Variants in ATP8A1 observed in about 807,000 individuals in gnomAD.
The protein encoded by ATP8A1 is ATPase phospholipid transporting 8A1, also known as phospholipid-transporting ATPase IA.
Under a neutral mutation model 177.7 loss-of-function variants are expected in ATP8A1, and 90 were observed. That is an observed-to-expected ratio of 0.51 (90% CI 0.43 to 0.60). The LOEUF (loss-of-function observed/expected upper bound fraction) is 0.60. ATP8A1 is among the 20% of genes least tolerant of loss of function. The pLI, the probability that ATP8A1 is intolerant of heterozygous loss-of-function variation, is 0.00. For synonymous variants in ATP8A1, 493 were observed against 485.9 expected (o/e 1.01, Z -0.19); for missense variants, 1,072 against 1,392.8 (o/e 0.77, Z 3.67).
intron 33 of ATP8A1, among the ~76,000 whole-genome samples, chr4:42,427,582 C>T (rs1345227710): frequency 6.6e-6 from 1 of 152,216 alleles, no homozygotes; most frequent in African/African-American, 2.4e-5. Context: ...CAATGTGCAC[C>T]AACACCACAA....
chr4:42,475,896 G>A (rs1721011077), intron 25 of ATP8A1, among the ~76,000 whole-genome samples: 1 of 152,064 alleles, frequency 6.6e-6, no homozygotes, highest in African/African-American at 2.4e-5. Flanking sequence ...AAAGTTAGCT[G>A]GGTGTGGTGG....
chr4:42,571,851 A>G (rs1257036090), intron 14 of ATP8A1, among the ~76,000 whole-genome samples: 2 of 152,222 alleles, frequency 1.3e-5, no homozygotes, highest in Non-Finnish European at 1.5e-5. Flanking sequence ...CCCATCATGA[A>G]TCCAATTTGG....
Position 42,656,968 on chromosome 4 carries a change from C to G in ATP8A1, c.-95G>C, listed in dbSNP as rs1741705201. The G allele has an allele frequency of 7.9e-7, 1 of 1,258,992 alleles. No homozygotes were observed. The highest frequency in any genetic ancestry group is 3.6e-5 in the Admixed American group (1 of 27,588). The allele number at this position is 1,258,992 out of a possible 1,614,324, so 78.0% of individuals were successfully genotyped here. A position where few individuals can be genotyped will look rare whatever the true frequency, so the allele number is the denominator to read the frequency against. ...ACCCGGCTGCGCCGCGCAGAGCGCTCAGCTGCAGCCTGGGCCGCGCCGCCG... is the reference window on the plus strand; with the variant it reads ...ACCCGGCTGCGCCGCGCAGAGCGCTGAGCTGCAGCCTGGGCCGCGCCGCCG... On this transcript the variant is annotated 5_prime_UTR_variant, in exon 1 of 37. Coordinates refer to ENST00000381668, the MANE Select transcript of ATP8A1 (RefSeq NM_006095.2).
intron 1 of ATP8A1, among the ~76,000 whole-genome samples, chr4:42,648,649 T>TA (rs1039693816): frequency 6.6e-6 from 1 of 151,684 alleles, no homozygotes; most frequent in Non-Finnish European, 1.5e-5. Context: ...AGCAGAAATT[T>TA]AAAAAAAGGA....
At chr4:42,462,290 C>G (rs1024397410) in intron 27 of ATP8A1, among the ~76,000 whole-genome samples, 16 of 152,248 alleles carry the variant, frequency 1.1e-4, no homozygotes, top group Admixed American at 1.0e-3. Context: ...CCTTCCATCA[C>G]AGGCCCAGAG....
At chr4:42,645,986 C>T (rs1740493127) in intron 1 of ATP8A1, among the ~76,000 whole-genome samples, 2 of 151,726 alleles carry the variant, frequency 1.3e-5, no homozygotes, top group South Asian at 4.2e-4. Context: ...AAAGGGCCAA[C>T]TAGTCGCAGC....
chr4:42,506,066 G>A (rs964774777), intron 23 of ATP8A1, among the ~76,000 whole-genome samples: 3 of 151,988 alleles, frequency 2.0e-5, no homozygotes, highest in African/African-American at 7.3e-5. Flanking sequence ...ACTCCTAACC[G>A]CCAGTGACAC....
intron 32 of ATP8A1, 137 bp from the exon 33 acceptor site, chr4:42,443,809 TTGTG>T (rs1469093839): frequency 9.1e-6 from 5 of 549,796 alleles, no homozygotes; most frequent in Non-Finnish European, 1.6e-5. Context: ...TTCTACCTAA[TTGTG>T]TGTGTTTTTT....
intron 14 of ATP8A1, among the ~76,000 whole-genome samples, chr4:42,571,345 T>C (rs1731884223): frequency 1.3e-5 from 2 of 152,220 alleles, no homozygotes; most frequent in African/African-American, 4.8e-5. Context: ...GCAAATGATG[T>C]TTTTAATACG....
At chr4:42,650,021 C>T (rs1279793811) in intron 1 of ATP8A1, among the ~76,000 whole-genome samples, 1 of 152,158 alleles carries the variant, frequency 6.6e-6, no homozygotes, top group African/African-American at 2.4e-5. Context: ...AAAGTGGTGG[C>T]CTTCATGTCA....
At chr4:42,533,467 G>C (rs1041312314) in intron 20 of ATP8A1, among the ~76,000 whole-genome samples, 3 of 152,014 alleles carry the variant, frequency 2.0e-5, no homozygotes, top group Non-Finnish European at 4.4e-5. Flanking sequence ...CCTGGGAACC[G>C]CACCCCCATC....
chr4:42,486,909 T>C (rs1254352938), intron 24 of ATP8A1, among the ~76,000 whole-genome samples: 1 of 152,220 alleles, frequency 6.6e-6, no homozygotes, highest in African/African-American at 2.4e-5. Flanking sequence ...AAGTACCCTC[T>C]ATGATGTTCA....
chr4:42,442,117 T>G (rs958890665), intron 33 of ATP8A1, among the ~76,000 whole-genome samples: 1 of 152,202 alleles, frequency 6.6e-6, no homozygotes, highest in Non-Finnish European at 1.5e-5. Flanking sequence ...AAAACCTCAG[T>G]TCTTGTCATC....
chr4:42,563,712 C>G (rs1731071243), intron 15 of ATP8A1, among the ~76,000 whole-genome samples: 1 of 152,186 alleles, frequency 6.6e-6, no homozygotes, highest in South Asian at 2.1e-4. Context: ...CCAGCCATAA[C>G]TAAAAGAGGC....
intron 33 of ATP8A1, among the ~76,000 whole-genome samples, chr4:42,432,246 C>CA (rs1715389587): frequency 1.3e-5 from 2 of 152,122 alleles, no homozygotes; most frequent in Non-Finnish European, 2.9e-5. Context: ...ACAACTTTAA[C>CA]ATCTATATTT....
chr4:42,579,767 T>C (rs766590415), intron 11 of ATP8A1, 46 bp downstream of exon 11: 3 of 1,485,604 alleles, frequency 2.0e-6, no homozygotes, highest in South Asian at 2.5e-5. Flanking sequence ...GTGAAACAAA[T>C]ACATGTCTTA....
chr4:42,556,115 T>C (rs1730210672), intron 15 of ATP8A1, 75 bp from the exon 16 acceptor site: 1 of 1,033,568 alleles, frequency 9.7e-7, no homozygotes, highest in East Asian at 2.6e-5. Context: ...ATGTACTTTA[T>C]GAGTAAAGTG....
chr4:42,559,570 AT>A (rs1730599661), intron 15 of ATP8A1, among the ~76,000 whole-genome samples: 1 of 152,238 alleles, frequency 6.6e-6, no homozygotes, highest in African/African-American at 2.4e-5. Flanking sequence ...ATTGGGCAAA[AT>A]TTAAAATTTA....
chr4:42,547,840 C>A (rs1729081005), intron 19 of ATP8A1, among the ~76,000 whole-genome samples: 2 of 152,182 alleles, frequency 1.3e-5, no homozygotes, highest in Admixed American at 6.5e-5. Flanking sequence ...AAGAGAAATG[C>A]CTTTCCTAAG....
Sources: gnomAD v4.1 joint callset for allele counts (sites outside exome capture counted in the v4.1 genomes callset) on GRCh38, gnomAD v4.1.1 for gene constraint, MANE v1.5 for transcripts, NCBI Gene and HGNC (gene_info 2026-07-23, HGNC 2026-07-21) for gene names.